The following TBX5 variants were observed in gnomAD, a reference collection of about 807,000 sequenced individuals.
TBX5 encodes T-box transcription factor 5.
A neutral mutation model predicts 51.1 loss-of-function variants in TBX5; 8 were observed. The observed-to-expected ratio is 0.16, with a 90% CI of 0.09 to 0.28. The LOEUF (loss-of-function observed/expected upper bound fraction) is 0.28. TBX5 is among the 10% of genes least tolerant of loss of function. The pLI is 1.00. For missense variants in TBX5, 589 were observed against 671.7 expected (o/e 0.88, Z 1.36); for synonymous variants, 302 against 266.4 (o/e 1.13, Z -1.30).
intron 5 of TBX5, 58 bp from the exon 6 acceptor site, chr12:114,394,951 A>G: frequency 6.4e-7 from 1 of 1,569,266 alleles, no homozygotes; most frequent in Non-Finnish European, 8.7e-7. Flanking sequence ...TTGTCTCCAG[A>G]TAAAACCCTG....
chr12:114,398,510 G>T, intron 5 of TBX5, 63 bp downstream of exon 5: 1 of 1,580,622 alleles, frequency 6.3e-7, no homozygotes, highest in East Asian at 2.3e-5. Context: ...GAGAAACCCA[G>T]TGAGAAGAAG....
At chr12:114,394,391 G>A (rs1442962102) in intron 6 of TBX5, among the ~76,000 whole-genome samples, 2 of 152,156 alleles carry the variant, frequency 1.3e-5, no homozygotes, top group Non-Finnish European at 2.9e-5. Flanking sequence ...GAAATGAAAT[G>A]GCAGCACCAG....
intron 8 of TBX5, among the ~76,000 whole-genome samples, chr12:114,365,168 A>ATG (rs10536626): frequency 0.024 from 3,543 of 147,532 alleles, 68 homozygotes; most frequent in African/African-American, 0.057. Flanking sequence ...ATCATTTGTG[A>ATG]TGTGTGTGTG....
At chr12:114,378,938 A>C (rs1870355807) in intron 7 of TBX5, among the ~76,000 whole-genome samples, 1 of 152,218 alleles carries the variant, frequency 6.6e-6, no homozygotes, top group Non-Finnish European at 1.5e-5. Flanking sequence ...CCTGACATCC[A>C]AGGTGCAGTC....
intron 1 of TBX5, among the ~76,000 whole-genome samples, chr12:114,404,203 G>A (rs560810927): frequency 1.4e-4 from 21 of 152,222 alleles, no homozygotes; most frequent in African/African-American, 4.1e-4. Flanking sequence ...GGTGAGGCCC[G>A]CATCTCCCCT....
chr12:114,403,723 A>G, intron 2 of TBX5, 29 bp downstream of exon 2: 1 of 1,610,446 alleles, frequency 6.2e-7, no homozygotes, highest in Non-Finnish European at 8.5e-7. Flanking sequence ...GATCTCTGCA[A>G]AGGGACCCGA....
Position 114,355,605 on chromosome 12 carries a change from C to G in TBX5, c.1484G>C (p.Arg495Thr). ...GTGGTACTGATGAGGGGATAGAGTC[C>G]TTGGCACGCCATGAGAGTAGAGGAA... ...PEFLYSHGVPRTLSPHQYHSV... is the reference protein window; with the variant it reads ...PEFLYSHGVPTTLSPHQYHSV... The change falls in exon 9 of 9, where the codon AGG becomes ACG. Residue 495 changes from arginine to threonine, a missense_variant. This residue lies in a region of TBX5 where 348 missense variants were observed against 360.4 expected (regional missense o/e 0.97). Transcript: ENST00000405440. The G allele has an allele frequency of 1.2e-6, 2 of 1,614,180 alleles. No homozygotes were observed. The highest frequency in any genetic ancestry group is 1.7e-6 in the Non-Finnish European group (2 of 1,180,044).
At position 114,403,817 on chromosome 12, in the gene TBX5, G is replaced by C; in HGVS notation, c.82C>G (p.Pro28Ala). 1 of 1,614,118 alleles carries C rather than the reference G, an allele frequency of 6.2e-7. No individual in the cohort carries two copies. Among genetic ancestry groups the C allele is most frequent in the Non-Finnish European group, 8.5e-7 (1 of 1,180,030 alleles). Residue 28 changes from proline (P) to alanine (A), a missense_variant, in exon 2 of 9, where the codon CCC becomes GCC. Transcript: ENST00000405440. The stretch of plus-strand genomic sequence containing the variant: ...CTGGGGGCCCCGAGCGCGCTCTCGG[G>C]TTTCGAATCGCAGGGCAGGTCTTTT... Reference protein sequence around the residue: ...DAKDLPCDSKPESALGAPSKS... With the variant: ...DAKDLPCDSKAESALGAPSKS...
chr12:114,391,773 A>T (rs1465381948), intron 6 of TBX5, among the ~76,000 whole-genome samples: 1 of 152,198 alleles, frequency 6.6e-6, no homozygotes, highest in African/African-American at 2.4e-5. Context: ...TCCACAAATC[A>T]CATGCAACCC....
At chr12:114,400,663 A>C (rs1256303504) in intron 3 of TBX5, among the ~76,000 whole-genome samples, 2 of 152,182 alleles carry the variant, frequency 1.3e-5, no homozygotes, top group East Asian at 3.9e-4. Context: ...AAGACTTCGC[A>C]GGCCTTTTAT....
chr12:114,363,795 C>T (rs1425382137), intron 8 of TBX5, among the ~76,000 whole-genome samples: 3 of 152,114 alleles, frequency 2.0e-5, no homozygotes, highest in South Asian at 2.1e-4. Flanking sequence ...ATAGTGTTGT[C>T]GAAAAAGCTT....
In TBX5 at chr12:114,385,498, G is replaced by A; in HGVS notation, c.733C>T (p.His245Tyr). The A allele has an allele frequency of 6.2e-7, 1 of 1,614,164 alleles. No homozygotes were observed. The highest frequency in any genetic ancestry group is 8.5e-7 in the Non-Finnish European group (1 of 1,180,002). ...TACCTTTGCATTCTTGACATTCTGT[G>A]CAGCTCCATGTCATCACTGCCCCGA... ...GFRGSDDMELHRMSRMQSKEY... is the reference protein window; with the variant it reads ...GFRGSDDMELYRMSRMQSKEY... The change falls in exon 7 of 9, where the codon CAC becomes TAC. Residue 245 changes from histidine to tyrosine, a missense_variant. Physicochemically the swap from His to Tyr is moderately conservative, Grantham distance 83. Transcript: ENST00000405440.
At chr12:114,398,865 G>C in intron 4 of TBX5, 145 bp from the exon 5 acceptor site, 1 of 1,045,036 alleles carries the variant, frequency 9.6e-7, no homozygotes, top group Non-Finnish European at 1.4e-6. Context: ...TCTCCCTTAG[G>C]TATCTGCAAT....
chr12:114,361,945 C>T (rs900609966), intron 8 of TBX5, among the ~76,000 whole-genome samples: 3 of 152,104 alleles, frequency 2.0e-5, no homozygotes, highest in Non-Finnish European at 4.4e-5. Context: ...CTCCAGGGTG[C>T]ATACCCCATT....
intron 6 of TBX5, among the ~76,000 whole-genome samples, chr12:114,386,431 T>C (rs1870820575): frequency 1.3e-5 from 2 of 152,184 alleles, no homozygotes. Context: ...ATAGAGAACA[T>C]AGAGAATCAT....
Position 114,403,745 on chromosome 12 carries a change from T to C in TBX5, c.147+7A>G, listed in dbSNP as rs768076984. On this transcript the variant is annotated splice_region_variant and intron_variant, in intron 2 of 8. Coordinates refer to ENST00000405440, the MANE Select transcript of TBX5 (RefSeq NM_181486.4). ...GCAAAGGGACCCGAAGCGCGAGGTC[T>C]CCTTACCTGCTGGGTGAAGGCGGCC... The C allele has an allele frequency of 9.3e-6, 15 of 1,612,936 alleles. No individual in the cohort carries two copies. The highest frequency in any genetic ancestry group is 1.3e-5 in the Non-Finnish European group (15 of 1,179,966).
upstream of TBX5, chr12:114,408,058 G>A (rs533921054): frequency 5.1e-6 from 5 of 985,416 alleles, no homozygotes; most frequent in East Asian, 2.3e-4. Context: ...GCAACCAGGC[G>A]ATAGCGACTA....
intron 6 of TBX5, among the ~76,000 whole-genome samples, chr12:114,389,615 G>A (rs1258327385): frequency 3.4e-5 from 5 of 147,982 alleles, no homozygotes; most frequent in African/African-American, 7.4e-5. Flanking sequence ...TTAGCCGGGC[G>A]TAGTGGCGGG....
At chr12:114,378,568 A>G (rs1393509629) in intron 7 of TBX5, among the ~76,000 whole-genome samples, 1 of 151,850 alleles carries the variant, frequency 6.6e-6, no homozygotes, top group East Asian at 1.9e-4. Flanking sequence ...ATTCCTTGAC[A>G]CTCCTTCTAG....
Sources: allele counts gnomAD v4.1 joint callset (sites outside exome capture counted in the v4.1 genomes callset), GRCh38; gene constraint gnomAD v4.1.1; regional missense constraint gnomAD v4.1.1; transcripts MANE v1.5; gene names NCBI Gene and HGNC (gene_info 2026-07-23, HGNC 2026-07-21).